IGSF21: variants seen among roughly 807,000 people sequenced by gnomAD.
The protein encoded by IGSF21 is immunoglobulin superfamily member 21.
A neutral mutation model predicts 46.8 loss-of-function variants in IGSF21; 28 were observed. The observed-to-expected ratio is 0.60, with a 90% CI of 0.44 to 0.82. The LOEUF (loss-of-function observed/expected upper bound fraction) is 0.82. Ranked by LOEUF, IGSF21 falls within the 40% of genes least tolerant of loss-of-function variation. IGSF21 has a pLI of 0.00. For synonymous variants in IGSF21, 284 were observed against 273.6 expected (o/e 1.04, Z -0.38); for missense variants, 624 against 665.5 (o/e 0.94, Z 0.69).
At chr1:18,271,239 A>G (rs1031838038) in intron 2 of IGSF21, among the ~76,000 whole-genome samples, 1 of 152,082 alleles carries the variant, frequency 6.6e-6, no homozygotes, top group African/African-American at 2.4e-5. Flanking sequence ...TCTGACAGTG[A>G]CAAAGTACTG....
intron 3 of IGSF21, among the ~76,000 whole-genome samples, chr1:18,303,128 C>A (rs1170110665): frequency 6.6e-6 from 1 of 152,168 alleles, no homozygotes; most frequent in Non-Finnish European, 1.5e-5. Context: ...TAGGGACCCT[C>A]CCTTATTCAT....
chr1:18,192,650 A>G (rs942775291), intron 1 of IGSF21, among the ~76,000 whole-genome samples: 19 of 152,006 alleles, frequency 1.2e-4, no homozygotes, highest in African/African-American at 4.6e-4. Context: ...CTGTGTGCTG[A>G]GGGCTGGAGA....
At chr1:18,178,864 C>T (rs1374231791) in intron 1 of IGSF21, among the ~76,000 whole-genome samples, 1 of 152,168 alleles carries the variant, frequency 6.6e-6, no homozygotes, top group Non-Finnish European at 1.5e-5. Flanking sequence ...GATGCTTATT[C>T]TCCGCCCTTC....
intron 4 of IGSF21, among the ~76,000 whole-genome samples, chr1:18,359,763 A>C (rs1456425436): frequency 1.3e-5 from 2 of 152,236 alleles, no homozygotes; most frequent in African/African-American, 4.8e-5. Flanking sequence ...CCACAGCATC[A>C]GTTCCTGATG....
intron 2 of IGSF21, among the ~76,000 whole-genome samples, chr1:18,244,114 A>G (rs1265212873): frequency 1.3e-5 from 2 of 152,156 alleles, no homozygotes; most frequent in South Asian, 2.1e-4. Context: ...GACAAATGAC[A>G]CTTTTGCCAA....
chr1:18,210,192 C>T (rs1309027485), intron 1 of IGSF21, among the ~76,000 whole-genome samples: 1 of 152,130 alleles, frequency 6.6e-6, no homozygotes, highest in African/African-American at 2.4e-5. Flanking sequence ...ATTGCTTCTC[C>T]TGTCAAGTGG....
intron 1 of IGSF21, among the ~76,000 whole-genome samples, chr1:18,223,651 T>C (rs1426565279): frequency 1.3e-5 from 2 of 152,198 alleles, no homozygotes; most frequent in African/African-American, 2.4e-5. Flanking sequence ...TCTACTGATA[T>C]TAATGGAATT....
chr1:18,152,932 G>C (rs1451630973), intron 1 of IGSF21, among the ~76,000 whole-genome samples: 1 of 152,156 alleles, frequency 6.6e-6, no homozygotes, highest in African/African-American at 2.4e-5. Context: ...ATCTTATAGG[G>C]TACAGGTGAG....
chr1:18,138,057 A>C (rs1052649998), intron 1 of IGSF21, among the ~76,000 whole-genome samples: 6 of 152,062 alleles, frequency 3.9e-5, no homozygotes, highest in African/African-American at 1.2e-4. Flanking sequence ...CCGTGTCCCC[A>C]GCAACAGGAC....
chr1:18,320,467 A>G lies in IGSF21; in HGVS notation c.306-14425A>G, dbSNP rs777969479. ...AGTTTCAATTTTCCACTGCCAAAGC[A>G]AAGCTGTTTTTAGCTCCGCTTTGAT... is the stretch of plus-strand genomic sequence containing the variant. On this transcript the variant is annotated intron_variant, in intron 3 of 9. Coordinates refer to ENST00000251296, the MANE Select transcript of IGSF21 (RefSeq NM_032880.5). Among the ~76,000 whole-genome samples the G allele has an allele frequency of 6.1e-4, 93 of 152,344 alleles. 1 individual carries two copies. The highest frequency in any genetic ancestry group is 2.9e-4 in the Non-Finnish European group (20 of 68,028).
chr1:18,289,303 T>C (rs1346411265), intron 2 of IGSF21, among the ~76,000 whole-genome samples: 1 of 152,174 alleles, frequency 6.6e-6, no homozygotes, highest in Non-Finnish European at 1.5e-5. Context: ...TTTATGACTT[T>C]GGGAGAAAAA....
chr1:18,361,972 A>G lies in IGSF21; in HGVS notation c.425-143A>G, dbSNP rs146032675. The G allele has an allele frequency of 7.6e-4, 468 of 616,376 alleles. 5 individuals carry two copies. In the East Asian group the frequency reaches 0.013, roughly 17 times the overall value. 38.2% of individuals were successfully genotyped at this position (616,376 alleles called of 1,614,324 possible). A position where few individuals can be genotyped will look rare whatever the true frequency, so the allele number is the denominator to read the frequency against. On this transcript the variant is annotated intron_variant, in intron 4 of 9. Transcript: ENST00000251296. ...GTGTTCCTCACTGTAGTGGATACCAATGGCACCCCCTGGAGTTTGGCAACA... is the reference window on the plus strand; with the variant it reads ...GTGTTCCTCACTGTAGTGGATACCAGTGGCACCCCCTGGAGTTTGGCAACA...
chr1:18,179,070 G>A (rs1018590683), intron 1 of IGSF21: 1 of 152,354 alleles, frequency 6.6e-6, no homozygotes, highest in Non-Finnish European at 1.5e-5. Context: ...GGAGGCAGCA[G>A]GTGTCCTGGA....
intron 4 of IGSF21, among the ~76,000 whole-genome samples, chr1:18,357,038 G>T (rs920537952): frequency 6.6e-6 from 1 of 151,872 alleles, no homozygotes; most frequent in African/African-American, 2.4e-5. Context: ...GATGAGGATG[G>T]GGAAGGGGAT....
At chr1:18,182,956 C>T (rs1171365640) in intron 1 of IGSF21, among the ~76,000 whole-genome samples, 1 of 152,226 alleles carries the variant, frequency 6.6e-6, no homozygotes, top group Non-Finnish European at 1.5e-5. Flanking sequence ...CATCATCACT[C>T]TCCTTATCCA....
chr1:18,182,889 C>T (rs2086870207), intron 1 of IGSF21, among the ~76,000 whole-genome samples: 1 of 152,150 alleles, frequency 6.6e-6, no homozygotes. Flanking sequence ...ATGCTCCAGG[C>T]CCCGCTGCCC....
At chr1:18,155,577 G>A (rs1312192048) in intron 1 of IGSF21, among the ~76,000 whole-genome samples, 1 of 152,244 alleles carries the variant, frequency 6.6e-6, no homozygotes, top group African/African-American at 2.4e-5. Flanking sequence ...AGAATGCACA[G>A]CATGCAGGGC....
At chr1:18,361,064 C>T (rs569645477) in intron 4 of IGSF21, among the ~76,000 whole-genome samples, 2 of 152,132 alleles carry the variant, frequency 1.3e-5, no homozygotes, top group Admixed American at 6.5e-5. Context: ...GGGTGGCCAA[C>T]AAAAATAAGC....
chr1:18,250,906 G>A (rs2084835586), intron 2 of IGSF21, among the ~76,000 whole-genome samples: 1 of 152,174 alleles, frequency 6.6e-6, no homozygotes, highest in African/African-American at 2.4e-5. Flanking sequence ...GATAAGTGTG[G>A]TGTAGATAAT....
Sources: gnomAD v4.1 joint callset for allele counts (sites outside exome capture counted in the v4.1 genomes callset) on GRCh38, gnomAD v4.1.1 for gene constraint, MANE v1.5 for transcripts, NCBI Gene and HGNC (gene_info 2026-07-23, HGNC 2026-07-21) for gene names.